The following MARCHF1 variants were observed in gnomAD, a reference collection of about 807,000 sequenced individuals.
MARCHF1 encodes the protein E3 ubiquitin-protein ligase MARCHF1.
In MARCHF1, 40 loss-of-function variants were observed where a neutral mutation model predicts 54.2. That is an observed-to-expected ratio of 0.74 (90% confidence interval 0.57 to 0.96). The LOEUF is 0.96. Among genes scored for constraint, MARCHF1 ranks in the 40% least tolerant of loss-of-function variants. The probability of loss-of-function intolerance (pLI) is 0.00; values close to 1 mark genes in which losing one functional copy is unlikely to be tolerated. For synonymous variants in MARCHF1, 236 were observed against 236.3 expected, an observed-to-expected ratio of 1.00 and a Z score of 0.01; for missense variants, 586 against 656.5, an observed-to-expected ratio of 0.89 and a Z score of 1.17.
intron 4 of MARCHF1, among the ~76,000 whole-genome samples, chr4:163,738,168 T>C (rs1042123291): frequency 5.9e-5 from 9 of 152,052 alleles, no homozygotes; most frequent in Non-Finnish European, 1.3e-4. Flanking sequence ...TAGAGGAGAG[T>C]CTTTTCAAAT....
chr4:163,670,380 A>ATCTG (rs1232327188), intron 5 of MARCHF1, among the ~76,000 whole-genome samples: 21 of 117,978 alleles, frequency 1.8e-4, no homozygotes, highest in Middle Eastern at 4.5e-3. Flanking sequence ...CTATCTATCT[A>ATCTG]TCTGTCTGTC....
chr4:163,808,557 G>T (rs1401870575), intron 4 of MARCHF1, among the ~76,000 whole-genome samples: 1 of 152,036 alleles, frequency 6.6e-6, no homozygotes, highest in African/African-American at 2.4e-5. Context: ...ACATGAAAAT[G>T]CATTGTATTT....
At chr4:163,972,853 G>A (rs992129333) in intron 3 of MARCHF1, among the ~76,000 whole-genome samples, 16 of 152,022 alleles carry the variant, frequency 1.1e-4, no homozygotes, top group South Asian at 4.2e-4. Context: ...CACCGCGCCC[G>A]GCCTTAATGT....
At chr4:164,345,970 G>C (rs1730080790) in intron 1 of MARCHF1, among the ~76,000 whole-genome samples, 1 of 152,002 alleles carries the variant, frequency 6.6e-6, no homozygotes, top group Admixed American at 6.6e-5. Flanking sequence ...ATTAGTAATT[G>C]AATAAATAAA....
chr4:163,691,829 A>C (rs4346602), intron 5 of MARCHF1, among the ~76,000 whole-genome samples: 74,075 of 151,982 alleles, frequency 0.49, 18,603 homozygotes, highest in African/African-American at 0.54. Context: ...GCCAGTGCCC[A>C]CATTACCCAG....
chr4:164,202,767 T>G (rs1310193959), intron 1 of MARCHF1, among the ~76,000 whole-genome samples: 1 of 152,216 alleles, frequency 6.6e-6, no homozygotes, highest in East Asian at 1.9e-4. Flanking sequence ...TCCTACTATT[T>G]GCTTACGCCA....
At chr4:163,569,423 G>A (rs983333476) in intron 8 of MARCHF1, among the ~76,000 whole-genome samples, 6 of 152,092 alleles carry the variant, frequency 3.9e-5, no homozygotes, top group African/African-American at 1.2e-4. Context: ...CACTTTGAAC[G>A]AAAATTCTAG....
intron 1 of MARCHF1, among the ~76,000 whole-genome samples, chr4:164,248,517 C>T (rs890130634): frequency 6.6e-6 from 1 of 152,002 alleles, no homozygotes; most frequent in African/African-American, 2.4e-5. Context: ...GAGTTTTCCT[C>T]CATGTTATCA....
chr4:163,531,349 A>G (rs1477180847), intron 9 of MARCHF1, among the ~76,000 whole-genome samples: 1 of 151,904 alleles, frequency 6.6e-6, no homozygotes. Context: ...ATGTAATCAC[A>G]TCAATTAGCT....
At chr4:163,608,562 C>T (rs779733166) in intron 7 of MARCHF1, among the ~76,000 whole-genome samples, 1 of 152,050 alleles carries the variant, frequency 6.6e-6, no homozygotes, top group Non-Finnish European at 1.5e-5. Flanking sequence ...TAATTAAATG[C>T]AATTCCTTTT....
intron 1 of MARCHF1, among the ~76,000 whole-genome samples, chr4:164,158,231 A>G (rs1253772399): frequency 1.3e-5 from 2 of 152,236 alleles, no homozygotes; most frequent in African/African-American, 4.8e-5. Context: ...ACCTAATCAA[A>G]TAAGTGGCCA....
chr4:164,211,154 T>C (rs1459428260), intron 1 of MARCHF1, among the ~76,000 whole-genome samples: 1 of 151,832 alleles, frequency 6.6e-6, no homozygotes, highest in Non-Finnish European at 1.5e-5. Flanking sequence ...AGAATGATGA[T>C]CATAGTAATA....
chr4:163,776,824 G>A (rs1579278406), intron 4 of MARCHF1, among the ~76,000 whole-genome samples: 1 of 152,174 alleles, frequency 6.6e-6, no homozygotes, highest in African/African-American at 2.4e-5. Context: ...TTGGGTAATG[G>A]AATTTAGAAT....
At chr4:163,940,458 C>T (rs4563455) in intron 3 of MARCHF1, among the ~76,000 whole-genome samples, 128,597 of 152,094 alleles carry the variant, frequency 0.85, 54,740 homozygotes, top group East Asian at 0.93. Flanking sequence ...TAAATATGTA[C>T]GCATATGGTA....
intron 5 of MARCHF1, among the ~76,000 whole-genome samples, chr4:163,679,209 T>C (rs1004786337): frequency 1.3e-5 from 2 of 152,208 alleles, no homozygotes; most frequent in African/African-American, 4.8e-5. Flanking sequence ...ACCTCATGTT[T>C]GAACTGGTGG....
At chr4:164,060,917 C>G (rs1234883004) in intron 2 of MARCHF1, among the ~76,000 whole-genome samples, 1 of 152,112 alleles carries the variant, frequency 6.6e-6, no homozygotes, top group Non-Finnish European at 1.5e-5. Context: ...CAATTACTAA[C>G]AAAATGTTGA....
chr4:163,926,934 G>A (rs973336110), intron 3 of MARCHF1, among the ~76,000 whole-genome samples: 3 of 151,516 alleles, frequency 2.0e-5, no homozygotes, highest in South Asian at 4.2e-4. Flanking sequence ...ATATGTCATA[G>A]AACAGCTAAA....
At chr4:163,692,978 G>A (rs1164028144) in intron 5 of MARCHF1, among the ~76,000 whole-genome samples, 1 of 151,524 alleles carries the variant, frequency 6.6e-6, no homozygotes, top group South Asian at 2.1e-4. Context: ...ATCAAAAGCA[G>A]TTTGTATTCA....
At chr4:164,006,070 ACAAAC>A (rs537968296) in intron 2 of MARCHF1, among the ~76,000 whole-genome samples, 35 of 152,302 alleles carry the variant, frequency 2.3e-4, no homozygotes, top group African/African-American at 8.2e-4. Context: ...AAACAAACAA[ACAAAC>A]AAAAAAACAA....
Sources: allele counts gnomAD v4.1 joint callset (sites outside exome capture counted in the v4.1 genomes callset), GRCh38; gene constraint gnomAD v4.1.1; transcripts MANE v1.5; gene names NCBI Gene and HGNC (gene_info 2026-07-23, HGNC 2026-07-21).